The following DOCK4 variants were observed in gnomAD, a reference collection of about 807,000 sequenced individuals.
DOCK4 encodes dedicator of cytokinesis 4, also known as dedicator of cytokinesis protein 4.
Under a neutral mutation model 268.1 loss-of-function variants are expected in DOCK4, and 97 were observed. The ratio of observed to expected loss-of-function variants is 0.36; its 90% CI spans 0.31 to 0.43. The LOEUF (loss-of-function observed/expected upper bound fraction) is 0.43. Among genes scored for constraint, DOCK4 ranks in the 20% least tolerant of loss-of-function variants. DOCK4 has a pLI of 1.00. For synonymous variants in DOCK4, 954 were observed against 887.2 expected, an observed-to-expected ratio of 1.08 and a Z score of -1.34; for missense variants, 2,145 against 2,455.7, an observed-to-expected ratio of 0.87 and a Z score of 2.67.
chr7:112,125,814 TTTTG>T (rs1363447438), intron 1 of DOCK4, among the ~76,000 whole-genome samples: 3 of 152,050 alleles, frequency 2.0e-5, no homozygotes, highest in Non-Finnish European at 4.4e-5. Flanking sequence ...TTTTTTTGTT[TTTTG>T]TTTTTTTTTG....
chr7:112,061,739 TCACACACACACACACACA>T (rs61696712), intron 1 of DOCK4, among the ~76,000 whole-genome samples: 21 of 137,222 alleles, frequency 1.5e-4, no homozygotes, highest in East Asian at 8.6e-4. Flanking sequence ...ATTAACAATG[TCACACACACACACACACA>T]CACACACACA....
At chr7:111,742,973 C>T (rs1193051526) in intron 44 of DOCK4, among the ~76,000 whole-genome samples, 3 of 150,082 alleles carry the variant, frequency 2.0e-5, no homozygotes, top group Non-Finnish European at 4.4e-5. Flanking sequence ...GCCTAGGTGA[C>T]AGAGCTAGAC....
At chr7:111,848,218 T>C (rs1804268352) in intron 23 of DOCK4, among the ~76,000 whole-genome samples, 2 of 152,244 alleles carry the variant, frequency 1.3e-5, no homozygotes, top group Admixed American at 1.3e-4. Flanking sequence ...TTCAACTTCC[T>C]GGTAATTCCC....
intron 16 of DOCK4, among the ~76,000 whole-genome samples, chr7:111,887,615 C>G (rs1412684166): frequency 2.0e-5 from 3 of 152,036 alleles, no homozygotes; most frequent in African/African-American, 7.2e-5. Context: ...TAGCCCCTGG[C>G]TGGGCACTAG....
intron 1 of DOCK4, among the ~76,000 whole-genome samples, chr7:112,125,789 G>A (rs1813163368): frequency 6.6e-6 from 1 of 152,092 alleles, no homozygotes; most frequent in Admixed American, 6.6e-5. Context: ...ATAAATGGCA[G>A]GCTCATCATC....
intron 12 of DOCK4, among the ~76,000 whole-genome samples, chr7:111,925,832 A>G (rs1390486511): frequency 6.6e-6 from 1 of 152,242 alleles, no homozygotes; most frequent in Non-Finnish European, 1.5e-5. Context: ...TCATGCCTGT[A>G]ATCCCAGGAC....
intron 1 of DOCK4, among the ~76,000 whole-genome samples, chr7:112,053,947 C>T (rs1805591327): frequency 6.6e-6 from 1 of 152,154 alleles, no homozygotes; most frequent in Non-Finnish European, 1.5e-5. Flanking sequence ...CCCTGAGCTT[C>T]TCGAACTCCC....
chr7:112,008,186 C>T (rs1214204452), intron 1 of DOCK4, among the ~76,000 whole-genome samples: 1 of 152,012 alleles, frequency 6.6e-6, no homozygotes, highest in Non-Finnish European at 1.5e-5. Context: ...TCATACGGGC[C>T]CTGAGAGCAC....
intron 1 of DOCK4, among the ~76,000 whole-genome samples, chr7:112,144,576 G>T (rs1815258366): frequency 6.6e-6 from 1 of 152,216 alleles, no homozygotes; most frequent in African/African-American, 2.4e-5. Context: ...GATCTAGGAG[G>T]ACCAGGGTAT....
At chr7:112,016,679 A>G (rs1303784511) in intron 1 of DOCK4, among the ~76,000 whole-genome samples, 2 of 152,174 alleles carry the variant, frequency 1.3e-5, no homozygotes, top group Non-Finnish European at 2.9e-5. Flanking sequence ...TTCTTTTTGA[A>G]GTGGATACAA....
intron 8 of DOCK4, among the ~76,000 whole-genome samples, chr7:111,958,214 C>A (rs371313491): frequency 1.1e-4 from 17 of 152,106 alleles, no homozygotes; most frequent in Non-Finnish European, 1.9e-4. Context: ...CTGTGTCAGG[C>A]GCACTACAAG....
At chr7:111,806,873 T>G (rs1432123146) in intron 30 of DOCK4, among the ~76,000 whole-genome samples, 1 of 152,174 alleles carries the variant, frequency 6.6e-6, no homozygotes, top group Non-Finnish European at 1.5e-5. Context: ...TCTAGATCTC[T>G]GAGAAAAACA....
chr7:111,872,763 C>T (rs571765105), intron 17 of DOCK4, among the ~76,000 whole-genome samples, 199 bp from the exon 18 acceptor site: 1 of 152,316 alleles, frequency 6.6e-6, no homozygotes, highest in Admixed American at 6.5e-5. Context: ...CTCTCCACTG[C>T]TCTTGACTTA....
At chr7:111,933,089 C>CAT (rs1794336792) in intron 12 of DOCK4, among the ~76,000 whole-genome samples, 2 of 135,170 alleles carry the variant, frequency 1.5e-5, no homozygotes, top group African/African-American at 2.9e-5. Context: ...CATATATATA[C>CAT]GTATATACAC....
chr7:111,940,585 T>C (rs1795129939), intron 10 of DOCK4, among the ~76,000 whole-genome samples: 1 of 152,196 alleles, frequency 6.6e-6, no homozygotes, highest in African/African-American at 2.4e-5. Flanking sequence ...TGGTGACTCT[T>C]CCATTTTCTA....
intron 1 of DOCK4, among the ~76,000 whole-genome samples, chr7:112,141,257 A>T (rs975900918): frequency 1.3e-5 from 2 of 152,188 alleles, no homozygotes; most frequent in Non-Finnish European, 2.9e-5. Context: ...TAAGGGACAG[A>T]AAAGTGTACA....
At chr7:112,015,177 C>G (rs1027965062) in intron 1 of DOCK4, among the ~76,000 whole-genome samples, 12 of 152,176 alleles carry the variant, frequency 7.9e-5, no homozygotes, top group African/African-American at 2.7e-4. Context: ...AAACTGACCT[C>G]TGGTGGTCCT....
At chr7:111,763,778 T>C (rs1797601400) in intron 39 of DOCK4, among the ~76,000 whole-genome samples, 3 of 152,116 alleles carry the variant, frequency 2.0e-5, no homozygotes, top group Admixed American at 2.0e-4. Flanking sequence ...CTGCAGTCCT[T>C]AGGGGGTTGC....
At chr7:111,748,739 T>C (rs1796442497) in intron 42 of DOCK4, among the ~76,000 whole-genome samples, 1 of 151,952 alleles carries the variant, frequency 6.6e-6, no homozygotes, top group Non-Finnish European at 1.5e-5. Context: ...GATTCAGAAA[T>C]TCTAGGCATA....
Sources: gnomAD v4.1 joint callset for allele counts (sites outside exome capture counted in the v4.1 genomes callset) on GRCh38, gnomAD v4.1.1 for gene constraint, MANE v1.5 for transcripts, NCBI Gene and HGNC (gene_info 2026-07-23, HGNC 2026-07-21) for gene names.